The following DPP10 variants were observed in gnomAD, a reference collection of about 807,000 sequenced individuals.
The protein encoded by DPP10 is inactive dipeptidyl peptidase 10.
In DPP10, 33 loss-of-function variants were observed where a neutral mutation model predicts 120.9. That is an observed-to-expected ratio of 0.27 (90% confidence interval 0.21 to 0.37). The LOEUF is 0.37. Among genes scored for constraint, DPP10 ranks in the 10% least tolerant of loss-of-function variants. The pLI, the probability that DPP10 is intolerant of heterozygous loss-of-function variation, is 1.00. For synonymous variants in DPP10, 337 were observed against 326.1 expected, an observed-to-expected ratio of 1.03 and a Z score of -0.36; for missense variants, 816 against 942.8, an observed-to-expected ratio of 0.87 and a Z score of 1.76.
At chr2:114,823,027 G>T (rs888086333) in intron 1 of DPP10, among the ~76,000 whole-genome samples, 1 of 152,138 alleles carries the variant, frequency 6.6e-6, no homozygotes, top group Non-Finnish European at 1.5e-5. Context: ...CTGTTATCCA[G>T]TTCCAAAGCT....
At chr2:115,096,416 G>A (rs1346432790) in intron 1 of DPP10, among the ~76,000 whole-genome samples, 2 of 152,044 alleles carry the variant, frequency 1.3e-5, no homozygotes, top group Non-Finnish European at 2.9e-5. Context: ...TTTCCTAATT[G>A]ATGAATAAAA....
At chr2:115,269,095 G>A (rs895137462) in intron 1 of DPP10, among the ~76,000 whole-genome samples, 4 of 152,096 alleles carry the variant, frequency 2.6e-5, no homozygotes, top group Admixed American at 6.5e-5. Context: ...TGCAGTGAGC[G>A]GAGACCACGC....
At chr2:114,711,355 A>G (rs1482435505) in intron 1 of DPP10, among the ~76,000 whole-genome samples, 1 of 152,228 alleles carries the variant, frequency 6.6e-6, no homozygotes, top group Non-Finnish European at 1.5e-5. Flanking sequence ...TTTAAATAAA[A>G]GTGCAAGGAG....
chr2:115,809,703 C>T (rs549220904), intron 19 of DPP10, among the ~76,000 whole-genome samples: 4 of 152,158 alleles, frequency 2.6e-5, no homozygotes, highest in Non-Finnish European at 5.9e-5. Context: ...GACTATAAAG[C>T]AGTTCTCTCT....
At chr2:114,632,440 G>T (rs893101823) in intron 1 of DPP10, among the ~76,000 whole-genome samples, 1 of 148,444 alleles carries the variant, frequency 6.7e-6, no homozygotes, top group Non-Finnish European at 1.5e-5. Context: ...TTCTCTAAAA[G>T]AAGTTTCCTT....
intron 1 of DPP10, among the ~76,000 whole-genome samples, chr2:114,822,127 C>T (rs12464889): frequency 0.093 from 14,184 of 151,872 alleles, 870 homozygotes; most frequent in Non-Finnish European, 0.12. Flanking sequence ...TTCTCCATGA[C>T]GGCTTTGCCC....
At chr2:115,351,470 A>G (rs992856405) in intron 3 of DPP10, among the ~76,000 whole-genome samples, 1 of 152,072 alleles carries the variant, frequency 6.6e-6, no homozygotes, top group African/African-American at 2.4e-5. Context: ...AAATCTCAGT[A>G]TCATACACTA....
intron 5 of DPP10, among the ~76,000 whole-genome samples, chr2:115,673,034 C>A (rs926853835): frequency 4.6e-5 from 7 of 152,062 alleles, no homozygotes; most frequent in Non-Finnish European, 8.8e-5. Flanking sequence ...CAGGTGTAAG[C>A]CACTGCGCCC....
intron 5 of DPP10, among the ~76,000 whole-genome samples, chr2:115,645,304 T>C (rs920150334): frequency 2.6e-5 from 4 of 152,170 alleles, no homozygotes; most frequent in African/African-American, 7.2e-5. Context: ...AGAGTTTTGA[T>C]ATAGAGATAG....
At chr2:114,532,133 C>G (rs1346252810) in intron 1 of DPP10, among the ~76,000 whole-genome samples, 1 of 151,246 alleles carries the variant, frequency 6.6e-6, no homozygotes, top group Admixed American at 6.6e-5. Flanking sequence ...TCTCAATTCT[C>G]AGGCCTTCAG....
At chr2:115,372,955 T>C (rs2065520188) in intron 3 of DPP10, among the ~76,000 whole-genome samples, 1 of 152,172 alleles carries the variant, frequency 6.6e-6, no homozygotes, top group East Asian at 1.9e-4. Context: ...ATGGAAAACA[T>C]AGTCAGTTGT....
At chr2:114,757,033 G>C (rs1679817413) in intron 1 of DPP10, among the ~76,000 whole-genome samples, 1 of 150,506 alleles carries the variant, frequency 6.6e-6, no homozygotes, top group Non-Finnish European at 1.5e-5. Flanking sequence ...CTTGAATATA[G>C]GAAGGAAGGA....
chr2:115,535,662 A>T (rs1333755523), intron 5 of DPP10, among the ~76,000 whole-genome samples: 9 of 150,894 alleles, frequency 6.0e-5, no homozygotes, highest in South Asian at 2.1e-4. Flanking sequence ...AGGCATTGGT[A>T]GCTTGATGGG....
At chr2:114,707,958 G>C (rs997730889) in intron 1 of DPP10, among the ~76,000 whole-genome samples, 1 of 152,102 alleles carries the variant, frequency 6.6e-6, no homozygotes, top group Non-Finnish European at 1.5e-5. Context: ...GTGGAAGGAG[G>C]TTTTTCACAA....
intron 1 of DPP10, among the ~76,000 whole-genome samples, chr2:114,670,263 A>T (rs1698232516): frequency 6.6e-6 from 1 of 152,170 alleles, no homozygotes; most frequent in Non-Finnish European, 1.5e-5. Context: ...AAGACTTGGA[A>T]CCAACCCAAA....
chr2:115,305,080 C>G (rs2061306718), intron 1 of DPP10, among the ~76,000 whole-genome samples: 1 of 152,048 alleles, frequency 6.6e-6, no homozygotes, highest in African/African-American at 2.4e-5. Flanking sequence ...CATCCATCCA[C>G]CGGGGGGCTC....
At chr2:114,493,560 C>T (rs372800624) in intron 1 of DPP10, among the ~76,000 whole-genome samples, 6 of 151,918 alleles carry the variant, frequency 3.9e-5, no homozygotes, top group South Asian at 4.2e-4. Flanking sequence ...TCATGTAGGA[C>T]GTGGTGAGGT....
chr2:115,346,540 A>G (rs2063721036), intron 3 of DPP10, among the ~76,000 whole-genome samples: 1 of 152,156 alleles, frequency 6.6e-6, no homozygotes, highest in African/African-American at 2.4e-5. Context: ...GCCCCTGTTC[A>G]TGGTTAGCTT....
intron 5 of DPP10, among the ~76,000 whole-genome samples, chr2:115,568,070 T>C (rs958806697): frequency 1.3e-5 from 2 of 151,568 alleles, no homozygotes; most frequent in African/African-American, 4.9e-5. Context: ...CCCAGCTACT[T>C]GGGAGGCTGA....
Sources: allele counts gnomAD v4.1 joint callset (sites outside exome capture counted in the v4.1 genomes callset), GRCh38; gene constraint gnomAD v4.1.1; transcripts MANE v1.5; gene names NCBI Gene and HGNC (gene_info 2026-07-23, HGNC 2026-07-21).